Variants in MDGA1 observed in about 807,000 individuals in gnomAD.
The protein encoded by MDGA1 is MAM domain containing glycosylphosphatidylinositol anchor 1, also known as MAM domain-containing glycosylphosphatidylinositol anchor protein 1.
In MDGA1, 54 loss-of-function variants were observed where a neutral mutation model predicts 101.5. That is an observed-to-expected ratio of 0.53 (90% CI 0.43 to 0.67). The LOEUF is 0.67. Among genes scored for constraint, MDGA1 ranks in the 30% least tolerant of loss-of-function variants. The probability of loss-of-function intolerance (pLI) is 0.00; values close to 1 mark genes in which losing one functional copy is unlikely to be tolerated. For synonymous variants in MDGA1, 533 were observed against 558.3 expected, an observed-to-expected ratio of 0.95 and a Z score of 0.64; for missense variants, 1,083 against 1,323.8, an observed-to-expected ratio of 0.82 and a Z score of 2.82.
In MDGA1 at chr6:37,655,979, A is replaced by T; in HGVS notation, c.383-83T>A. On this transcript the variant is annotated intron_variant, in intron 3 of 16. Transcript: ENST00000434837. This position sits in a 1 kb window ranked among gnomAD's most constrained non-coding sequence, Gnocchi z 5.1. ...CAGGCTCCTGGCAGCCCTTAGGAAG[A>T]GCTGAGCCACCCTCAACAGACATTT... is the stretch of plus-strand genomic sequence containing the variant. 19 of 1,198,166 alleles carry T rather than the reference A, an allele frequency of 1.6e-5. No homozygotes were observed. Among genetic ancestry groups the T allele is most frequent in the Non-Finnish European group, 2.2e-5 (19 of 865,126 alleles). 74.2% of individuals were successfully genotyped at this position (1,198,166 alleles called of 1,614,324 possible). A position where few individuals can be genotyped will look rare whatever the true frequency, so the allele number is the denominator to read the frequency against.
chr6:37,646,144 G>T lies in MDGA1; in HGVS notation c.2224+54C>A, dbSNP rs189724579. 77 of 1,551,914 alleles carry T rather than the reference G, an allele frequency of 5.0e-5. No homozygotes were observed. The East Asian group carries it at 1.3e-3, about 27-fold the overall frequency. On this transcript the variant is annotated intron_variant, in intron 11 of 16. Transcript: ENST00000434837. Reference sequence around the variant, plus strand: ...GGAACCACATGAGGATGGTGAAAGGGGTCCCTGGCCATGAGATGGGCCCAT... The same window carrying T: ...GGAACCACATGAGGATGGTGAAAGGTGTCCCTGGCCATGAGATGGGCCCAT...
intron 3 of MDGA1, 147 bp downstream of exon 3, chr6:37,658,098 A>G (rs530613092): frequency 3.5e-6 from 3 of 856,330 alleles, no homozygotes; most frequent in African/African-American, 1.7e-5. Context: ...GGTGGTACAC[A>G]CCGCCTGGTA....
intron 9 of MDGA1, among the ~76,000 whole-genome samples, chr6:37,647,681 A>G (rs1761242829): frequency 6.6e-6 from 1 of 151,856 alleles, no homozygotes; most frequent in African/African-American, 2.4e-5. Flanking sequence ...GAAAGACACA[A>G]GAGTCAGGGA....
chr6:37,690,707 G>A (rs1434437676), intron 1 of MDGA1, among the ~76,000 whole-genome samples: 1 of 148,506 alleles, frequency 6.7e-6, no homozygotes, highest in African/African-American at 2.5e-5. Flanking sequence ...AACCTAGGAG[G>A]CAAAGGTTGC....
Position 37,649,045 on chromosome 6 carries a change from C to G in MDGA1, c.1831G>C (p.Gly611Arg). Residue 611 changes from glycine (G) to arginine (R), a missense_variant, in exon 9 of 17, where the codon GGC (glycine) becomes CGC (arginine). Gly to Arg is a moderately radical substitution (Grantham distance 125). This residue lies in a region of MDGA1 where 657 missense variants were observed against 771.4 expected (regional missense o/e 0.85). Coordinates refer to ENST00000434837, the MANE Select transcript of MDGA1 (RefSeq NM_153487.4). ...RLDAVTRDSS[G>R]SYECSVSNDV... ...TTGGAGACGCTGCACTCGTAGCTGC[C>G]GCTGCTGTCGCGAGTTACGGCGTCG... 6.5e-7 allele frequency: 1 copy of G among 1,545,002 alleles called. No individual in the cohort carries two copies. Among genetic ancestry groups the G allele is most frequent in the Non-Finnish European group, 8.7e-7 (1 of 1,145,482 alleles).
rs758446458 is a variant in MDGA1 at position 37,655,845 on chromosome 6, C to A, written c.434G>T (p.Gly145Val). The A allele has an allele frequency of 1.2e-6, 2 of 1,613,610 alleles. No individual in the cohort carries two copies. The highest frequency in any genetic ancestry group is 8.5e-7 in the Non-Finnish European group (1 of 1,179,768). Residue 145 changes from glycine (G) to valine (V), a missense_variant, in exon 4 of 17, where the codon GGC becomes GTC. Coordinates refer to ENST00000434837, the MANE Select transcript of MDGA1 (RefSeq NM_153487.4). This position sits in a 1 kb window ranked among gnomAD's most constrained non-coding sequence, Gnocchi z 5.1. ...CACCGTCTTCTCCTGGTAGAAGTTG[C>A]CTCGCACATCGCTCACCGTCTGGTG... ...TVHQTVSDVR[G>V]NFYQEKTVFL...
intron 1 of MDGA1, among the ~76,000 whole-genome samples, chr6:37,675,012 G>A (rs3846884): frequency 0.3 from 46,061 of 152,064 alleles, 7,544 homozygotes; most frequent in Non-Finnish European, 0.37. Context: ...GGCCGAGATC[G>A]TGCCATTGCA....
At chr6:37,649,288 A>T in intron 8 of MDGA1, 22 bp from the exon 9 acceptor site, 2 of 1,464,356 alleles carry the variant, frequency 1.4e-6, no homozygotes, top group Non-Finnish European at 1.8e-6. Flanking sequence ...AGCGGCGGTC[A>T]GCGGGGCCTC....
intron 16 of MDGA1, 63 bp from the exon 17 acceptor site, chr6:37,637,522 G>C (rs984912395): frequency 6.9e-7 from 1 of 1,456,028 alleles, no homozygotes; most frequent in Admixed American, 1.7e-5. Flanking sequence ...GGGGCAGGAA[G>C]TGGCAGGCAG....
chr6:37,667,032 T>G (rs1021525952), intron 1 of MDGA1, among the ~76,000 whole-genome samples: 2 of 152,106 alleles, frequency 1.3e-5, no homozygotes, highest in Admixed American at 6.5e-5. Flanking sequence ...GAAAAATGCT[T>G]AGTAGAGTCG....
At position 37,646,213 on chromosome 6, in the gene MDGA1, T is replaced by G; in HGVS notation, c.2209A>C (p.Ile737Leu). Residue 737 changes from isoleucine (I) to leucine (L), a missense_variant, in exon 11 of 17, where the codon ATC becomes CTC. Physicochemically the swap from Ile to Leu is conservative, Grantham distance 5. This residue lies in a region of MDGA1 where 657 missense variants were observed against 771.4 expected (regional missense o/e 0.85). Transcript: ENST00000434837. ...TGTCACCTACGCTCTGTGTAGTGGA[T>G]GATGCGGGAGGCCATGTCACCAGCC... ...FGAGDMASRI[I>L]HYTEPINSPN... is the part of the protein sequence containing the mutation. The G allele has an allele frequency of 1.3e-6, 2 of 1,584,732 alleles. No individual in the cohort carries two copies. Among genetic ancestry groups the G allele is most frequent in the Non-Finnish European group, 1.7e-6 (2 of 1,162,944 alleles).
chr6:37,640,155 AG>A (rs1428801180), intron 14 of MDGA1, among the ~76,000 whole-genome samples: 2 of 152,048 alleles, frequency 1.3e-5, no homozygotes, highest in African/African-American at 2.4e-5. Flanking sequence ...CTTCTGGAGG[AG>A]GTGGTGTTTT....
At chr6:37,692,937 T>C (rs534728777) in intron 1 of MDGA1, among the ~76,000 whole-genome samples, 8 of 152,314 alleles carry the variant, frequency 5.3e-5, no homozygotes, top group African/African-American at 1.9e-4. Flanking sequence ...TGGGACATCA[T>C]GAGGATCTTG....
intron 3 of MDGA1, 121 bp from the exon 4 acceptor site, chr6:37,656,017 A>G (rs1761479110): frequency 1.3e-6 from 1 of 769,204 alleles, no homozygotes; most frequent in African/African-American, 1.7e-5. Context: ...AGATTGCCAG[A>G]TGCCCTCTCA....
rs918716783 is a variant in MDGA1 at position 37,672,681 on chromosome 6, T to C, written c.68-8575A>G. ...CACCTCCCAGAAGCATCACTGAGTG[T>C]TCTGGATGGAGTGGTACAGAATTGG... is the stretch of plus-strand genomic sequence containing the variant. On this transcript the variant is annotated intron_variant, in intron 1 of 16. Coordinates refer to ENST00000434837, the MANE Select transcript of MDGA1 (RefSeq NM_153487.4). Among the ~76,000 whole-genome samples the C allele has an allele frequency of 3.3e-5, 5 of 152,266 alleles. No homozygotes were observed. In the East Asian group the frequency reaches 9.7e-4, roughly 29 times the overall value.
Position 37,655,797 on chromosome 6 carries a change from G to A in MDGA1, c.482C>T (p.Ser161Phe). The A allele has an allele frequency of 6.2e-7, 1 of 1,613,708 alleles. No homozygotes were observed. The highest frequency in any genetic ancestry group is 8.5e-7 in the Non-Finnish European group (1 of 1,179,772). Reference protein sequence around the residue: ...KTVFLRCTVNSNPPARFIWKR... With the variant: ...KTVFLRCTVNFNPPARFIWKR... ...CCAGATGAAGCGGGCAGGCGGGTTG[G>A]AGTTGACAGTACAGCGCAGGAACAC... is the stretch of plus-strand genomic sequence containing the variant. The change falls in exon 4 of 17, where the codon TCC becomes TTC. Residue 161 changes from serine (S) to phenylalanine (F), a missense_variant. Around this residue, in one of 3 missense-constraint regions of MDGA1, gnomAD observed 310 missense variants for 355.9 expected, o/e 0.87. Coordinates refer to ENST00000434837, the MANE Select transcript of MDGA1 (RefSeq NM_153487.4). This position sits in a 1 kb window ranked among gnomAD's most constrained non-coding sequence, Gnocchi z 5.1.
chr6:37,640,931 G>A (rs994304127), intron 14 of MDGA1, among the ~76,000 whole-genome samples: 4 of 152,164 alleles, frequency 2.6e-5, no homozygotes, highest in African/African-American at 4.8e-5. Context: ...GCCAGGGTGA[G>A]TACCTCCTGT....
chr6:37,695,855 G>A (rs537701921), intron 1 of MDGA1, among the ~76,000 whole-genome samples: 56 of 152,346 alleles, frequency 3.7e-4, no homozygotes, highest in Non-Finnish European at 7.2e-4. Context: ...TTTTTGTGCT[G>A]TGGGGTTAAG....
At chr6:37,681,005 C>T (rs996450874) in intron 1 of MDGA1, among the ~76,000 whole-genome samples, 19 of 152,082 alleles carry the variant, frequency 1.2e-4, no homozygotes, top group Non-Finnish European at 2.2e-4. Flanking sequence ...AGCCCCCCCC[C>T]CCCAGGAAAC....
Sources: allele counts gnomAD v4.1 joint callset (sites outside exome capture counted in the v4.1 genomes callset), GRCh38; gene constraint gnomAD v4.1.1; regional missense constraint gnomAD v4.1.1; non-coding constraint Gnocchi (gnomAD v3.1); transcripts MANE v1.5; gene names NCBI Gene and HGNC (gene_info 2026-07-23, HGNC 2026-07-21).